Variants in RABGAP1L observed in about 807,000 individuals in gnomAD.
RABGAP1L encodes rab GTPase-activating protein 1-like.
Under a neutral mutation model 137.7 loss-of-function variants are expected in RABGAP1L, and 63 were observed. That is an observed-to-expected ratio of 0.46 (90% CI 0.37 to 0.56). The LOEUF is 0.56. RABGAP1L is among the 20% of genes least tolerant of loss of function. RABGAP1L has a pLI of 0.00. For synonymous variants in RABGAP1L, 431 were observed against 433.7 expected (o/e 0.99, Z 0.08); for missense variants, 1,095 against 1,244.0 (o/e 0.88, Z 1.80).
intron 19 of RABGAP1L, among the ~76,000 whole-genome samples, chr1:174,841,615 A>AT (rs1304323278): frequency 1.3e-5 from 2 of 152,080 alleles, no homozygotes; most frequent in African/African-American, 2.4e-5. Flanking sequence ...AAAAGAGCTG[A>AT]TTTTTTAAAA....
At chr1:174,264,724 T>G (rs543169429) in intron 7 of RABGAP1L, among the ~76,000 whole-genome samples, 1 of 152,052 alleles carries the variant, frequency 6.6e-6, no homozygotes, top group Non-Finnish European at 1.5e-5. Context: ...TAAATCATAT[T>G]AGTTCTACTT....
At chr1:174,958,241 T>C in intron 20 of RABGAP1L, 1 of 1,233,746 alleles carries the variant, frequency 8.1e-7, no homozygotes. Flanking sequence ...TGAACAACAG[T>C]GATATTTGAG....
intron 13 of RABGAP1L, among the ~76,000 whole-genome samples, chr1:174,525,140 C>T (rs1663764590): frequency 6.6e-6 from 1 of 151,918 alleles, no homozygotes; most frequent in Admixed American, 6.6e-5. Context: ...TTTTTTGGTT[C>T]CATAAACATT....
intron 14 of RABGAP1L, among the ~76,000 whole-genome samples, chr1:174,639,771 A>G (rs1215347434): frequency 2.0e-5 from 3 of 152,200 alleles, no homozygotes; most frequent in Non-Finnish European, 4.4e-5. Flanking sequence ...ACACAAAAAT[A>G]AAAGTTGAAC....
intron 20 of RABGAP1L, chr1:174,964,677 T>G: frequency 3.3e-6 from 2 of 603,090 alleles, no homozygotes; most frequent in Non-Finnish European, 4.8e-6. Flanking sequence ...AGCATTTTAG[T>G]CATTCATGCA....
chr1:174,482,353 C>A (rs183533616), intron 13 of RABGAP1L, among the ~76,000 whole-genome samples: 1 of 152,266 alleles, frequency 6.6e-6, no homozygotes, highest in African/African-American at 2.4e-5. Flanking sequence ...ACTCATTATT[C>A]CAAGACTTGC....
intron 1 of RABGAP1L, among the ~76,000 whole-genome samples, chr1:174,178,486 A>G (rs548622610): frequency 6.6e-6 from 1 of 152,338 alleles, no homozygotes; most frequent in South Asian, 2.1e-4. Flanking sequence ...TACTGGGTAT[A>G]TACCCAAAGG....
intron 13 of RABGAP1L, among the ~76,000 whole-genome samples, chr1:174,422,997 G>GTATTC (rs1651520188): frequency 6.7e-6 from 1 of 148,184 alleles, no homozygotes; most frequent in African/African-American, 2.5e-5. Context: ...GCTAAAAATA[G>GTATTC]TGAATAGTGA....
chr1:174,556,206 C>T (rs1389170882), intron 13 of RABGAP1L, among the ~76,000 whole-genome samples: 2 of 151,896 alleles, frequency 1.3e-5, no homozygotes, highest in Non-Finnish European at 2.9e-5. Flanking sequence ...CCATCTTGGC[C>T]AGGTTGTTCT....
At chr1:174,668,983 A>C (rs532321792) in intron 14 of RABGAP1L, among the ~76,000 whole-genome samples, 15 of 152,228 alleles carry the variant, frequency 9.9e-5, no homozygotes, top group Admixed American at 7.2e-4. Flanking sequence ...TGAGTTCCTC[A>C]TATAATTTTC....
intron 19 of RABGAP1L, among the ~76,000 whole-genome samples, chr1:174,932,969 GAT>G (rs1259533550): frequency 6.6e-6 from 1 of 152,106 alleles, no homozygotes; most frequent in Non-Finnish European, 1.5e-5. Context: ...GGTAGACACT[GAT>G]ATATAGCAAC....
intron 14 of RABGAP1L, among the ~76,000 whole-genome samples, chr1:174,650,403 G>T (rs1415374839): frequency 2.6e-5 from 4 of 152,146 alleles, no homozygotes; most frequent in East Asian, 1.9e-4. Flanking sequence ...AGTTTCAGAA[G>T]GAACGGTACC....
intron 3 of RABGAP1L, among the ~76,000 whole-genome samples, chr1:174,222,714 C>T (rs1362320070): frequency 2.6e-5 from 4 of 151,962 alleles, no homozygotes; most frequent in Non-Finnish European, 5.9e-5. Context: ...AGCTCTTTGA[C>T]GTTGTACTAA....
intron 3 of RABGAP1L, among the ~76,000 whole-genome samples, chr1:174,226,025 A>G (rs1670151074): frequency 6.6e-6 from 1 of 152,054 alleles, no homozygotes; most frequent in Non-Finnish European, 1.5e-5. Context: ...TAGAACTGGG[A>G]GAGAAAACAA....
At chr1:174,933,772 GT>G (rs1664261793) in intron 19 of RABGAP1L, among the ~76,000 whole-genome samples, 1 of 152,100 alleles carries the variant, frequency 6.6e-6, no homozygotes, top group African/African-American at 2.4e-5. Context: ...CTGCATCTAG[GT>G]TATCTCTGGC....
At chr1:174,843,205 A>G (rs1693617194) in intron 19 of RABGAP1L, among the ~76,000 whole-genome samples, 1 of 150,970 alleles carries the variant, frequency 6.6e-6, no homozygotes, top group Admixed American at 6.6e-5. Context: ...CTCTTTCCCT[A>G]ACAAGAAAAT....
intron 19 of RABGAP1L, among the ~76,000 whole-genome samples, chr1:174,927,771 A>T (rs766568603): frequency 1.3e-5 from 2 of 152,172 alleles, no homozygotes; most frequent in Non-Finnish European, 2.9e-5. Context: ...GCTGTTAAAA[A>T]ATCTGAAATG....
chr1:174,256,160 A>C (rs538919806), intron 7 of RABGAP1L, among the ~76,000 whole-genome samples: 2 of 152,204 alleles, frequency 1.3e-5, no homozygotes, highest in Non-Finnish European at 2.9e-5. Flanking sequence ...TTTAACCTGG[A>C]ACATTTCCAC....
chr1:174,547,966 T>TA (rs1666156915), intron 13 of RABGAP1L: 2 of 1,550,426 alleles, frequency 1.3e-6, no homozygotes, highest in South Asian at 2.4e-5. Context: ...TCTGATTACT[T>TA]ATACTTTTTG....
Sources: gnomAD v4.1 joint callset for allele counts (sites outside exome capture counted in the v4.1 genomes callset) on GRCh38, gnomAD v4.1.1 for gene constraint, MANE v1.5 for transcripts, NCBI Gene and HGNC (gene_info 2026-07-23, HGNC 2026-07-21) for gene names.